JMJD7: variants seen among roughly 807,000 people sequenced by gnomAD.
JMJD7 encodes the protein bifunctional peptidase and (3S)-lysyl hydroxylase JMJD7.
In JMJD7, 41 loss-of-function variants were observed where a neutral mutation model predicts 41.1. The observed-to-expected ratio is 1.00, with a 90% CI of 0.78 to 1.30. The LOEUF is 1.30. Among genes scored for constraint, JMJD7 ranks in the 50% most tolerant of loss-of-function variants. JMJD7 has a pLI of 0.00. For missense variants in JMJD7, 480 were observed against 420.7 expected, an observed-to-expected ratio of 1.14 and a Z score of -1.23; for synonymous variants, 202 against 177.2, an observed-to-expected ratio of 1.14 and a Z score of -1.11.
chr15:41,835,728 C>CCT, intron 4 of JMJD7, 84 bp downstream of exon 4: 1 of 1,499,536 alleles, frequency 6.7e-7, no homozygotes, highest in Non-Finnish European at 9.0e-7. Flanking sequence ...GGAGGGATGG[C>CCT]CCTGGGTGGA....
At chr15:41,833,476 A>AG (rs1473623555) in intron 1 of JMJD7, among the ~76,000 whole-genome samples, 3 of 131,882 alleles carry the variant, frequency 2.3e-5, no homozygotes, top group Non-Finnish European at 4.6e-5. Context: ...GCTGGAGTGC[A>AG]GTGGCACGAT....
rs572406457 is a variant in JMJD7 at position 41,835,363 on chromosome 15, C to A, written c.472+140C>A. ...CTGGTGCAGCTCACTAAATACATTCCCAGGCCTTGACTTAATCATAGATGA... is the reference window on the plus strand; with the variant it reads ...CTGGTGCAGCTCACTAAATACATTCACAGGCCTTGACTTAATCATAGATGA... On this transcript the variant is annotated intron_variant, in intron 3 of 7. Transcript: ENST00000397299. 19 of 1,368,182 alleles carry A rather than the reference C, an allele frequency of 1.4e-5. No homozygotes were observed. The East Asian group carries it at 4.5e-4, about 33-fold the overall frequency. The allele number at this position is 1,368,182 out of a possible 1,614,324, so 84.8% of individuals were successfully genotyped here.
rs990455113 is a variant in JMJD7 at position 41,828,168 on chromosome 15, A to C, written c.44A>C (p.Glu15Ala). Residue 15 changes from glutamate to alanine, a missense_variant, in exon 1 of 8, where the codon GAA becomes GCA. Transcript: ENST00000397299. ...ALEAVRSELR[E>A]FPAAARELCV... ...GAAGCCGTGCGGAGCGAGTTACGAG[A>C]ATTCCCGGCCGCTGCAAGGGGTGAG... 1.3e-6 allele frequency: 2 copies of C among 1,492,730 alleles called. No homozygotes were observed. Among genetic ancestry groups the C allele is most frequent in the African/African-American group, 3.0e-5 (2 of 67,570 alleles). 92.5% of individuals were successfully genotyped at this position (1,492,730 alleles called of 1,614,324 possible).
intron 1 of JMJD7, among the ~76,000 whole-genome samples, chr15:41,830,596 G>C (rs1466452775): frequency 6.6e-6 from 1 of 152,158 alleles, no homozygotes; most frequent in Non-Finnish European, 1.5e-5. Flanking sequence ...GGAGCAGGCA[G>C]GAGCCCCACC....
In JMJD7 at chr15:41,833,371, A is replaced by G. The variant is rs530494595; in HGVS notation, c.65-1369A>G. Reference sequence around the variant, plus strand: ...TTCTAGCAAGGGTGAAAGAATGATAAACAGTTTATGTAGGTGAAATACATA... The same window carrying G: ...TTCTAGCAAGGGTGAAAGAATGATAGACAGTTTATGTAGGTGAAATACATA... On this transcript the variant is annotated intron_variant, in intron 1 of 7. Transcript: ENST00000397299. Among the ~76,000 whole-genome samples the G allele has an allele frequency of 3.6e-5, 5 of 140,606 alleles. No individual in the cohort carries two copies. The Admixed American group carries it at 3.7e-4, about 10-fold the overall frequency. 92.2% of individuals were successfully genotyped at this position (140,606 alleles called of 152,430 possible). A position where few individuals can be genotyped will look rare whatever the true frequency, so the allele number is the denominator to read the frequency against.
At chr15:41,828,784 CAGAA>C (rs1216810938) in intron 1 of JMJD7, among the ~76,000 whole-genome samples, 2 of 152,154 alleles carry the variant, frequency 1.3e-5, no homozygotes, top group Non-Finnish European at 2.9e-5. Flanking sequence ...TGCATTCTTA[CAGAA>C]AGATTGTTTA....
chr15:41,836,338 G>T, intron 5 of JMJD7, 95 bp downstream of exon 5: 1 of 1,573,120 alleles, frequency 6.4e-7, no homozygotes, highest in South Asian at 1.1e-5. Context: ...CCAGGCCTGA[G>T]GTGTGGCTGT....
rs146308669 is a variant in JMJD7 at position 41,835,628 on chromosome 15, G to C, written c.513G>C (p.Ala171=). The stretch of plus-strand genomic sequence containing the variant: ...CTGTGAACTTCTGGCTGGGGGAGGC[G>C]GCTGCAGTGACTTCTTGTAGGTGTA... ...PDAVNFWLGE[A]AAVTSLHKDH... The change falls in exon 4 of 8, where the codon GCG becomes GCC. Residue 171 remains alanine (A), a synonymous_variant. Transcript: ENST00000397299. The C allele has an allele frequency of 6.2e-7, 1 of 1,613,822 alleles. No homozygotes were observed. The highest frequency in any genetic ancestry group is 1.1e-5 in the South Asian group (1 of 91,056).
At chr15:41,833,416 T>TATATATATATATATA (rs2065262397) in intron 1 of JMJD7, among the ~76,000 whole-genome samples, 1 of 18,072 alleles carries the variant, frequency 5.5e-5, no homozygotes, top group African/African-American at 1.8e-4. Context: ...ATATATATAT[T>TATATATATATATATA]TTTTTTTTTT....
intron 1 of JMJD7, among the ~76,000 whole-genome samples, chr15:41,833,412 A>ATTTTTT (rs1430293088): frequency 3.8e-4 from 16 of 41,918 alleles, no homozygotes; most frequent in African/African-American, 9.4e-4. Flanking sequence ...ATATATATAT[A>ATTTTTT]TATTTTTTTT....
intron 1 of JMJD7, among the ~76,000 whole-genome samples, chr15:41,833,857 T>C (rs1248150995): frequency 1.3e-5 from 2 of 152,138 alleles, no homozygotes; most frequent in Non-Finnish European, 2.9e-5. Flanking sequence ...CAATGTGATA[T>C]TTGAGTGAGG....
rs575192097 is a variant in JMJD7, at chr15:41,828,251, T to C, written c.64+63T>C. Reference sequence around the variant, plus strand: ...CACGGGAGGGGCCCTGGGATGCCGCTGACACCGGGGGCTCGGAACCTCGTG... The same window carrying C: ...CACGGGAGGGGCCCTGGGATGCCGCCGACACCGGGGGCTCGGAACCTCGTG... On this transcript the variant is annotated intron_variant, in intron 1 of 7. Coordinates refer to ENST00000397299, the MANE Select transcript of JMJD7 (RefSeq NM_001114632.2). 1.0e-4 allele frequency: 148 copies of C among 1,457,214 alleles called. No individual in the cohort carries two copies. In the East Asian group the frequency reaches 3.7e-3, roughly 37 times the overall value. The allele number at this position is 1,457,214 out of a possible 1,614,324, so 90.3% of individuals were successfully genotyped here.
intron 1 of JMJD7, among the ~76,000 whole-genome samples, chr15:41,833,097 G>T (rs1336118572): frequency 2.0e-5 from 3 of 152,134 alleles, no homozygotes; most frequent in African/African-American, 7.2e-5. Flanking sequence ...GTTACTAGGG[G>T]TGTGACAATA....
chr15:41,835,235 T>C lies in JMJD7; in HGVS notation c.472+12T>C. On this transcript the variant is annotated intron_variant, in intron 3 of 7. Coordinates refer to ENST00000397299, the MANE Select transcript of JMJD7 (RefSeq NM_001114632.2). ...CTCCGAAGCCCTGGGTGAGTGGAGG[T>C]GGGGTGGTCGTGGCCCTGGACAGGG... 1 of 1,594,862 alleles carries C rather than the reference T, an allele frequency of 6.3e-7. No homozygotes were observed. Among genetic ancestry groups the C allele is most frequent in the Non-Finnish European group, 8.5e-7 (1 of 1,178,118 alleles).
chr15:41,833,414 A>ATTTTTTTTTTTTTTTTT (rs67111164), intron 1 of JMJD7, among the ~76,000 whole-genome samples: 1 of 32,012 alleles, frequency 3.1e-5, no homozygotes, highest in Non-Finnish European at 6.1e-5. Context: ...ATATATATAT[A>ATTTTTTTTTTTTTTTTT]TTTTTTTTTT....
intron 1 of JMJD7, chr15:41,832,355 A>G: frequency 5.4e-6 from 1 of 185,500 alleles, no homozygotes; most frequent in South Asian, 1.1e-4. Flanking sequence ...CCAGCTGGTA[A>G]AGCAACACCC....
intron 3 of JMJD7, among the ~76,000 whole-genome samples, 154 bp from the exon 4 acceptor site, chr15:41,835,434 C>G (rs2065297714): frequency 6.6e-6 from 1 of 152,190 alleles, no homozygotes; most frequent in Admixed American, 6.5e-5. Context: ...GGAGGGAGGA[C>G]CCCTTCCCCA....
chr15:41,836,275 G>A, intron 5 of JMJD7, 32 bp downstream of exon 5: 1 of 1,611,236 alleles, frequency 6.2e-7, no homozygotes. Context: ...GAGGGGCTGG[G>A]GAACAGCTGG....
chr15:41,833,406 A>ATTTTTTTTTT (rs1567164793), intron 1 of JMJD7, among the ~76,000 whole-genome samples: 1 of 40,838 alleles, frequency 2.4e-5, no homozygotes, highest in African/African-American at 7.3e-5. Flanking sequence ...ATATATATAT[A>ATTTTTTTTTT]TATATATATT....
Sources: allele counts gnomAD v4.1 joint callset (sites outside exome capture counted in the v4.1 genomes callset), GRCh38; gene constraint gnomAD v4.1.1; transcripts MANE v1.5; gene names NCBI Gene and HGNC (gene_info 2026-07-23, HGNC 2026-07-21).